The following UNC13C variants were observed in gnomAD, a reference collection of about 807,000 sequenced individuals.
The protein encoded by UNC13C is unc-13 homolog C, also known as protein unc-13 homolog C.
UNC13C carries 174 observed loss-of-function variants against 245.4 expected under a neutral mutation model. The ratio of observed to expected loss-of-function variants is 0.71; its 90% CI spans 0.63 to 0.80. The LOEUF (loss-of-function observed/expected upper bound fraction) is 0.80. Among genes scored for constraint, UNC13C ranks in the 30% least tolerant of loss-of-function variants. UNC13C has a pLI of 0.00. For missense variants in UNC13C, 2,829 were observed against 2,602.9 expected (o/e 1.09, Z -1.89); for synonymous variants, 992 against 895.1 (o/e 1.11, Z -1.93).
At chr15:54,246,608 AT>A (rs1162466786) in intron 7 of UNC13C, among the ~76,000 whole-genome samples, 3 of 152,146 alleles carry the variant, frequency 2.0e-5, no homozygotes, top group Non-Finnish European at 4.4e-5. Context: ...TAAAATACAT[AT>A]TTTTTAGAAA....
chr15:54,016,649 T>C (rs1895674390), intron 2 of UNC13C, among the ~76,000 whole-genome samples: 1 of 152,252 alleles, frequency 6.6e-6, no homozygotes, highest in African/African-American at 2.4e-5. Flanking sequence ...CTTTGGATTA[T>C]ATACTTTTGG....
chr15:54,076,558 A>G (rs1169823577), intron 2 of UNC13C, among the ~76,000 whole-genome samples: 1 of 152,142 alleles, frequency 6.6e-6, no homozygotes, highest in East Asian at 1.9e-4. Flanking sequence ...ATTATTTTTT[A>G]AAGTGTTTAC....
chr15:53,858,413 G>A, the UNC13C span, among the ~76,000 whole-genome samples: 1 of 148,376 alleles, frequency 6.7e-6, no homozygotes, highest in Non-Finnish European at 1.5e-5. Flanking sequence ...GTTTTTTTTT[G>A]TTTTGTTTTT....
At chr15:54,223,003 C>A (rs933976061) in intron 4 of UNC13C, among the ~76,000 whole-genome samples, 3 of 151,194 alleles carry the variant, frequency 2.0e-5, no homozygotes, top group African/African-American at 7.3e-5. Context: ...AATCTCTTGT[C>A]GCATGGATAG....
At chr15:53,868,519 G>T in the UNC13C span, among the ~76,000 whole-genome samples, 1 of 152,072 alleles carries the variant, frequency 6.6e-6, no homozygotes, top group Non-Finnish European at 1.5e-5. Context: ...AAGGAGGCCC[G>T]GCCTATGCAG....
At chr15:53,881,049 C>A in the UNC13C span, among the ~76,000 whole-genome samples, 1 of 152,062 alleles carries the variant, frequency 6.6e-6, no homozygotes, top group African/African-American at 2.4e-5. Context: ...ACAGTCTGAG[C>A]CAAGTTTTCA....
At chr15:53,998,361 A>AT (rs1180570772) in intron 1 of UNC13C, among the ~76,000 whole-genome samples, 1 of 151,888 alleles carries the variant, frequency 6.6e-6, no homozygotes, top group African/African-American at 2.4e-5. Context: ...ATGTCAGTAA[A>AT]TTTTTTCTAA....
rs115096060 is a variant in UNC13C, at chr15:54,171,427, A to T, written c.3071+27743A>T. On this transcript the variant is annotated intron_variant, in intron 4 of 32. Coordinates refer to ENST00000260323, the MANE Select transcript of UNC13C (RefSeq NM_001080534.3). ...TAGGAAACAATCTAATAATCCGATT[A>T]AAAAAATGGGAAAAATATCTGAATA... Among the ~76,000 whole-genome samples the T allele has an allele frequency of 9.7e-3, 1,326 of 136,136 alleles. 20 individuals are homozygous for T. Among genetic ancestry groups the T allele is most frequent in the African/African-American group, 0.034 (1,238 of 36,268 alleles). The allele number at this position is 136,136 out of a possible 152,430, so 89.3% of individuals were successfully genotyped here. A position where few individuals can be genotyped will look rare whatever the true frequency, so the allele number is the denominator to read the frequency against.
intron 2 of UNC13C, among the ~76,000 whole-genome samples, chr15:54,054,516 A>T (rs915395784): frequency 2.6e-5 from 4 of 152,190 alleles, no homozygotes; most frequent in African/African-American, 9.7e-5. Context: ...AAACATGCTG[A>T]TATACCATTG....
intron 29 of UNC13C, among the ~76,000 whole-genome samples, chr15:54,561,860 T>C: frequency 6.6e-6 from 1 of 151,892 alleles, no homozygotes; most frequent in Non-Finnish European, 1.5e-5. Flanking sequence ...AGCAAGGTGG[T>C]GGCTTTAGGA....
At chr15:54,417,048 A>C (rs199898711) in intron 19 of UNC13C, 15,624 of 443,172 alleles carry the variant, frequency 0.035, 683 homozygotes, top group Admixed American at 0.14. Context: ...CCAGGAATAA[A>C]CTTATTTTAA....
chr15:54,151,751 G>A (rs1050078126), intron 4 of UNC13C, among the ~76,000 whole-genome samples: 3 of 152,042 alleles, frequency 2.0e-5, no homozygotes, highest in African/African-American at 7.2e-5. Flanking sequence ...GCACACAATG[G>A]TTCTACTTTG....
the UNC13C span, among the ~76,000 whole-genome samples, chr15:53,873,185 C>T: frequency 6.6e-6 from 1 of 152,018 alleles, no homozygotes; most frequent in Non-Finnish European, 1.5e-5. Flanking sequence ...TGGGCTCGGT[C>T]CTGTTTCTCT....
chr15:54,433,180 C>T (rs1447025464), intron 19 of UNC13C, among the ~76,000 whole-genome samples: 2 of 152,058 alleles, frequency 1.3e-5, no homozygotes, highest in African/African-American at 2.4e-5. Flanking sequence ...GGTACCATTC[C>T]TTCTAAAACT....
chr15:53,936,933 A>G, the UNC13C span, among the ~76,000 whole-genome samples: 1 of 152,216 alleles, frequency 6.6e-6, no homozygotes, highest in African/African-American at 2.4e-5. Context: ...GAAAGAATCA[A>G]TGCAAAAATG....
At chr15:54,127,021 G>A (rs553027222) in intron 2 of UNC13C, among the ~76,000 whole-genome samples, 1 of 152,304 alleles carries the variant, frequency 6.6e-6, no homozygotes, top group South Asian at 2.1e-4. Context: ...TCTCACACCA[G>A]TTAGAATGGC....
chr15:54,171,586 C>G (rs965251759), intron 4 of UNC13C, among the ~76,000 whole-genome samples: 6 of 151,852 alleles, frequency 4.0e-5, no homozygotes, highest in African/African-American at 1.5e-4. Flanking sequence ...GGACTTTTAA[C>G]CAAAAGACAG....
chr15:54,007,130 G>C (rs901964713), intron 1 of UNC13C, among the ~76,000 whole-genome samples: 13 of 152,098 alleles, frequency 8.5e-5, no homozygotes, highest in African/African-American at 3.1e-4. Context: ...AGCAATTATA[G>C]GGCATTTACT....
At chr15:54,375,554 C>G (rs975756520) in intron 17 of UNC13C, among the ~76,000 whole-genome samples, 1 of 152,056 alleles carries the variant, frequency 6.6e-6, no homozygotes, top group Admixed American at 6.5e-5. Flanking sequence ...TAATTAAGGT[C>G]CTTAGTAAGT....
Sources: gnomAD v4.1 joint callset for allele counts (sites outside exome capture counted in the v4.1 genomes callset) on GRCh38, gnomAD v4.1.1 for gene constraint, MANE v1.5 for transcripts, NCBI Gene and HGNC (gene_info 2026-07-23, HGNC 2026-07-21) for gene names.